The following ZNF804A variants were observed in gnomAD, a reference collection of about 807,000 sequenced individuals.
ZNF804A encodes the protein zinc finger protein 804A.
Under a neutral mutation model 16.5 loss-of-function variants are expected in ZNF804A, and 2 were observed. The ratio of observed to expected loss-of-function variants is 0.12; its 90% CI spans 0.05 to 0.38. The LOEUF is 0.38. Among genes scored for constraint, ZNF804A ranks in the 10% least tolerant of loss-of-function variants. The probability of loss-of-function intolerance (pLI) is 0.99; values close to 1 mark genes in which losing one functional copy is unlikely to be tolerated. For synonymous variants in ZNF804A, 534 were observed against 489.6 expected, an observed-to-expected ratio of 1.09 and a Z score of -1.20; for missense variants, 1,473 against 1,390.7, an observed-to-expected ratio of 1.06 and a Z score of -0.94.
chr2:184,733,074 G>T (rs951269009), intron 1 of ZNF804A, among the ~76,000 whole-genome samples: 2 of 152,094 alleles, frequency 1.3e-5, no homozygotes, highest in Non-Finnish European at 2.9e-5. Context: ...AGAAAAGGAG[G>T]AGTTACAGGG....
chr2:184,739,767 T>A (rs1182752318), intron 1 of ZNF804A, among the ~76,000 whole-genome samples: 1 of 152,136 alleles, frequency 6.6e-6, no homozygotes, highest in African/African-American at 2.4e-5. Flanking sequence ...CCACTCAATG[T>A]CCCAATACTT....
At chr2:184,855,822 C>T (rs1019334335) in intron 1 of ZNF804A, among the ~76,000 whole-genome samples, 1 of 151,916 alleles carries the variant, frequency 6.6e-6, no homozygotes, top group Non-Finnish European at 1.5e-5. Context: ...TGAATATGTT[C>T]ATTAATGAAA....
chr2:184,840,751 T>A (rs897012824), intron 1 of ZNF804A, among the ~76,000 whole-genome samples: 2 of 152,128 alleles, frequency 1.3e-5, no homozygotes, highest in African/African-American at 4.8e-5. Context: ...CTCAGTCATC[T>A]CTTATTCAGC....
chr2:184,598,863 G>T lies in ZNF804A; in HGVS notation c.-97G>T. 3.1e-6 allele frequency: 2 copies of T among 644,998 alleles called. No homozygotes were observed. Among genetic ancestry groups the T allele is most frequent in the South Asian group, 2.9e-5 (1 of 34,676 alleles). 40.0% of individuals were successfully genotyped at this position (644,998 alleles called of 1,614,324 possible). On this transcript the variant is annotated 5_prime_UTR_variant, in exon 1 of 4. Coordinates refer to ENST00000302277, the MANE Select transcript of ZNF804A (RefSeq NM_194250.2). ...GGGGTGGCTGCGTGCCCTCGTGGCG[G>T]GTTCCCAGCCCACCGTCGCCGGCCC...
chr2:184,784,142 A>T (rs897283484), intron 1 of ZNF804A, among the ~76,000 whole-genome samples: 1 of 151,860 alleles, frequency 6.6e-6, no homozygotes, highest in African/African-American at 2.4e-5. Flanking sequence ...ACTGTGCTTC[A>T]TGTTTTAGGT....
intron 1 of ZNF804A, among the ~76,000 whole-genome samples, chr2:184,863,547 A>C (rs970669497): frequency 7.1e-6 from 1 of 140,276 alleles, no homozygotes; most frequent in Non-Finnish European, 1.5e-5. Flanking sequence ...AGGAATATCA[A>C]ACTTATTAAA....
chr2:184,693,616 A>G (rs1169607039), intron 1 of ZNF804A, among the ~76,000 whole-genome samples: 3 of 152,186 alleles, frequency 2.0e-5, no homozygotes, highest in East Asian at 1.9e-4. Context: ...CTTCCAGTCA[A>G]TTTATGCCTC....
At chr2:184,825,145 C>G (rs950374858) in intron 1 of ZNF804A, among the ~76,000 whole-genome samples, 3 of 152,024 alleles carry the variant, frequency 2.0e-5, no homozygotes, top group African/African-American at 7.2e-5. Flanking sequence ...TGCAAGGAAA[C>G]AGGTATCAGT....
intron 1 of ZNF804A, among the ~76,000 whole-genome samples, chr2:184,741,368 A>G (rs946335454): frequency 6.6e-6 from 1 of 152,150 alleles, no homozygotes; most frequent in Admixed American, 6.6e-5. Context: ...TTTGCACAAA[A>G]TATTACCAGT....
At chr2:184,712,829 T>C (rs781245644) in intron 1 of ZNF804A, among the ~76,000 whole-genome samples, 2 of 151,762 alleles carry the variant, frequency 1.3e-5, no homozygotes, top group Non-Finnish European at 3.0e-5. Context: ...AGTTTAGTTA[T>C]ACTCATCAGC....
At chr2:184,725,501 C>T (rs1202389921) in intron 1 of ZNF804A, among the ~76,000 whole-genome samples, 3 of 151,552 alleles carry the variant, frequency 2.0e-5, no homozygotes, top group Non-Finnish European at 4.4e-5. Context: ...TTTGTAATTA[C>T]CCATTTTGAA....
chr2:184,786,754 A>G (rs558316514), intron 1 of ZNF804A, among the ~76,000 whole-genome samples: 2 of 152,032 alleles, frequency 1.3e-5, no homozygotes, highest in East Asian at 3.9e-4. Flanking sequence ...TAAAATTCTT[A>G]TTGATGAACT....
intron 1 of ZNF804A, among the ~76,000 whole-genome samples, chr2:184,640,812 G>A (rs776993285): frequency 1.3e-4 from 19 of 151,978 alleles, no homozygotes; most frequent in Non-Finnish European, 2.2e-4. Flanking sequence ...AAATACATGG[G>A]GCATCTCCCG....
intron 1 of ZNF804A, among the ~76,000 whole-genome samples, chr2:184,829,941 A>AAAAAAAAAACAAC (rs1558975002): frequency 6.8e-6 from 1 of 146,084 alleles, no homozygotes; most frequent in African/African-American, 2.6e-5. Flanking sequence ...AAAAAAAAAA[A>AAAAAAAAAACAAC]ACCACACACA....
At chr2:184,710,379 C>A (rs1218656978) in intron 1 of ZNF804A, among the ~76,000 whole-genome samples, 1 of 151,430 alleles carries the variant, frequency 6.6e-6, no homozygotes, top group African/African-American at 2.4e-5. Flanking sequence ...TTGTTTGCTT[C>A]TTTTATAATT....
chr2:184,612,355 C>T (rs1691251214), intron 1 of ZNF804A, among the ~76,000 whole-genome samples: 1 of 151,378 alleles, frequency 6.6e-6, no homozygotes. Context: ...GGAAATAGTA[C>T]AGATTGTTTA....
chr2:184,825,241 T>C (rs1236384502), intron 1 of ZNF804A, among the ~76,000 whole-genome samples: 1 of 152,110 alleles, frequency 6.6e-6, no homozygotes, highest in Non-Finnish European at 1.5e-5. Context: ...AATTAACTAA[T>C]TAGAATGAAT....
At chr2:184,844,543 G>C (rs1365786028) in intron 1 of ZNF804A, among the ~76,000 whole-genome samples, 2 of 150,550 alleles carry the variant, frequency 1.3e-5, no homozygotes, top group South Asian at 2.1e-4. Context: ...CTTCTTTCTT[G>C]CATGATTTCT....
intron 1 of ZNF804A, among the ~76,000 whole-genome samples, chr2:184,693,035 T>C (rs1190892455): frequency 1.3e-5 from 2 of 152,144 alleles, no homozygotes; most frequent in African/African-American, 2.4e-5. Flanking sequence ...AAACTTTCAA[T>C]TGTGATACTA....
Sources: allele counts gnomAD v4.1 joint callset (sites outside exome capture counted in the v4.1 genomes callset), GRCh38; gene constraint gnomAD v4.1.1; transcripts MANE v1.5; gene names NCBI Gene and HGNC (gene_info 2026-07-23, HGNC 2026-07-21).